The following TRIO variants were observed in gnomAD, a reference collection of about 807,000 sequenced individuals.
TRIO encodes the protein triple functional domain protein.
In TRIO, 58 loss-of-function variants were observed where a neutral mutation model predicts 351.9. The ratio of observed to expected loss-of-function variants is 0.16; its 90% confidence interval spans 0.13 to 0.21. The LOEUF (loss-of-function observed/expected upper bound fraction) is 0.21. Ranked by LOEUF, TRIO falls within the 10% of genes least tolerant of loss-of-function variation. TRIO has a pLI of 1.00. For missense variants in TRIO, 3,201 were observed against 4,027.8 expected (o/e 0.79, Z 5.56); for synonymous variants, 1,758 against 1,595.7 (o/e 1.10, Z -2.42).
chr5:14,347,770 C>T (rs1335544740), intron 11 of TRIO, among the ~76,000 whole-genome samples: 1 of 152,168 alleles, frequency 6.6e-6, no homozygotes, highest in Non-Finnish European at 1.5e-5. Context: ...TGTTCTCATG[C>T]AGAAAGCCTG....
intron 33 of TRIO, among the ~76,000 whole-genome samples, chr5:14,410,749 G>A (rs1749130202): frequency 6.6e-6 from 1 of 152,194 alleles, no homozygotes; most frequent in African/African-American, 2.4e-5. Flanking sequence ...CTCAGATGAG[G>A]CACACAAGGT....
intron 1 of TRIO, among the ~76,000 whole-genome samples, chr5:14,227,184 G>T (rs1383300900): frequency 6.6e-6 from 1 of 152,162 alleles, no homozygotes; most frequent in Non-Finnish European, 1.5e-5. Context: ...CAAGCATTTG[G>T]TCATTCTACC....
At chr5:14,191,925 T>C (rs1790482324) in intron 1 of TRIO, among the ~76,000 whole-genome samples, 1 of 152,228 alleles carries the variant, frequency 6.6e-6, no homozygotes, top group African/African-American at 2.4e-5. Flanking sequence ...ATTTATTGTT[T>C]AATGTTTTCT....
At position 14,486,154 on chromosome 5, in the gene TRIO, G is replaced by A. The variant is rs116892716; in HGVS notation, c.6835+908G>A. 9.2e-5 allele frequency among the ~76,000 whole-genome samples: 14 copies of A among 152,306 alleles called. No individual in the cohort carries two copies. The East Asian group carries it at 2.7e-3, about 29-fold the overall frequency. On this transcript the variant is annotated intron_variant, in intron 47 of 56. Transcript: ENST00000344204. ...CTTCAACACTGGCTTTTAATTTGGT[G>A]ATCAGCAAAGAACTTTGAGAATTCA...
chr5:14,298,064 G>T (rs745395659), intron 7 of TRIO, among the ~76,000 whole-genome samples: 43 of 152,190 alleles, frequency 2.8e-4, no homozygotes, highest in Non-Finnish European at 5.1e-4. Flanking sequence ...GGTGCTGCCC[G>T]CAAGGGTGAG....
intron 1 of TRIO, among the ~76,000 whole-genome samples, chr5:14,242,202 C>G (rs1196709366): frequency 6.6e-6 from 1 of 152,264 alleles, no homozygotes; most frequent in Non-Finnish European, 1.5e-5. Context: ...TGCTCTTAGC[C>G]TCTGGACTAC....
chr5:14,344,825 C>T (rs1488681199), intron 11 of TRIO, among the ~76,000 whole-genome samples: 1 of 152,202 alleles, frequency 6.6e-6, no homozygotes, highest in African/African-American at 2.4e-5. Context: ...ATATACACAA[C>T]TCTGTCCATC....
chr5:14,190,761 TAAA>T (rs1308809499), intron 1 of TRIO, among the ~76,000 whole-genome samples: 1 of 151,332 alleles, frequency 6.6e-6, no homozygotes, highest in Non-Finnish European at 1.5e-5. Flanking sequence ...CTGACTAAAT[TAAA>T]AAAAAATCCA....
chr5:14,291,397 T>G (rs1447881344), intron 5 of TRIO, among the ~76,000 whole-genome samples, 169 bp downstream of exon 5: 3 of 152,058 alleles, frequency 2.0e-5, no homozygotes, highest in Non-Finnish European at 4.4e-5. Context: ...GTTTTCCGGT[T>G]TTACTCGTTG....
Position 14,364,746 on chromosome 5 carries a change from C to T in TRIO, c.2684C>T (p.Ala895Val), listed in dbSNP as rs879063035. ...LHEKQQELDL[A>V]AEQHRKHLEQ... ...GAAAAACAGCAGGAATTGGATTTAG[C>T]CGCAGAGCAGCATCGGAAACACCTG... Residue 895 changes from alanine to valine, a missense_variant, in exon 15 of 57, where the codon GCC becomes GTC. Physicochemically the swap from Ala to Val is moderately conservative, Grantham distance 64. Coordinates refer to ENST00000344204, the MANE Select transcript of TRIO (RefSeq NM_007118.4). 6.2e-7 allele frequency: 1 copy of T among 1,612,752 alleles called. No individual in the cohort carries two copies. Among genetic ancestry groups the T allele is most frequent in the Non-Finnish European group, 8.5e-7 (1 of 1,179,988 alleles).
At chr5:14,367,041 TC>T in intron 16 of TRIO, 62 bp downstream of exon 16, 2 of 1,601,046 alleles carry the variant, frequency 1.2e-6, no homozygotes, top group Non-Finnish European at 8.5e-7. Context: ...ACATCCTGAA[TC>T]CCCCAACATG....
At chr5:14,310,299 G>A (rs939114872) in intron 8 of TRIO, among the ~76,000 whole-genome samples, 1 of 152,248 alleles carries the variant, frequency 6.6e-6, no homozygotes, top group African/African-American at 2.4e-5. Context: ...GGATTGCAAG[G>A]TGAGACTGCA....
chr5:14,372,717 T>A (rs1293822788), intron 18 of TRIO, among the ~76,000 whole-genome samples: 1 of 152,124 alleles, frequency 6.6e-6, no homozygotes, highest in African/African-American at 2.4e-5. Context: ...TTAAATATAT[T>A]TGGTGTGTTT....
At chr5:14,338,552 G>A (rs996434562) in intron 11 of TRIO, among the ~76,000 whole-genome samples, 4 of 152,242 alleles carry the variant, frequency 2.6e-5, no homozygotes, top group Admixed American at 6.5e-5. Flanking sequence ...GAGAGAGAAG[G>A]AGAGGGTTAA....
At chr5:14,256,865 A>G (rs1795047795) in intron 1 of TRIO, among the ~76,000 whole-genome samples, 1 of 152,210 alleles carries the variant, frequency 6.6e-6, no homozygotes, top group Non-Finnish European at 1.5e-5. Flanking sequence ...TGCAAGAATA[A>G]AGAAGGAAAA....
intron 49 of TRIO, among the ~76,000 whole-genome samples, chr5:14,496,455 G>A (rs964918806): frequency 6.6e-6 from 1 of 152,164 alleles, no homozygotes; most frequent in Admixed American, 6.5e-5. Context: ...TGGGAGACCA[G>A]ACTTTTTGTG....
At chr5:14,151,123 G>C (rs1337762218) in intron 1 of TRIO, among the ~76,000 whole-genome samples, 1 of 152,132 alleles carries the variant, frequency 6.6e-6, no homozygotes, top group Non-Finnish European at 1.5e-5. Context: ...GGAGGGCTTC[G>C]TTCCTACATG....
At chr5:14,467,237 C>A (rs1260522980) in intron 37 of TRIO, among the ~76,000 whole-genome samples, 3 of 152,186 alleles carry the variant, frequency 2.0e-5, no homozygotes, top group African/African-American at 7.2e-5. Context: ...GAGTATACTT[C>A]TTTAAAGTTA....
At chr5:14,273,233 G>A (rs1735191221) in intron 2 of TRIO, among the ~76,000 whole-genome samples, 1 of 152,206 alleles carries the variant, frequency 6.6e-6, no homozygotes, top group Non-Finnish European at 1.5e-5. Context: ...AATGGCAGGA[G>A]CTTTGTAAAA....
Sources: allele counts gnomAD v4.1 joint callset (sites outside exome capture counted in the v4.1 genomes callset), GRCh38; gene constraint gnomAD v4.1.1; transcripts MANE v1.5; gene names NCBI Gene and HGNC (gene_info 2026-07-23, HGNC 2026-07-21).